KIF16B: variants seen among roughly 807,000 people sequenced by gnomAD.
KIF16B encodes kinesin family member 16B.
A neutral mutation model predicts 156.3 loss-of-function variants in KIF16B; 98 were observed. The ratio of observed to expected loss-of-function variants is 0.63; its 90% CI spans 0.53 to 0.74. The LOEUF (loss-of-function observed/expected upper bound fraction) is 0.74, where lower values mean the gene tolerates loss of function less well. Ranked by LOEUF, KIF16B falls within the 30% of genes least tolerant of loss-of-function variation. The pLI is 0.00. For synonymous variants in KIF16B, 564 were observed against 583.7 expected (o/e 0.97, Z 0.49); for missense variants, 1,421 against 1,606.5 (o/e 0.88, Z 1.97).
At chr20:16,314,947 C>T (rs962258435) in intron 24 of KIF16B, among the ~76,000 whole-genome samples, 9 of 152,150 alleles carry the variant, frequency 5.9e-5, no homozygotes, top group African/African-American at 2.2e-4. Flanking sequence ...TACAAACGTG[C>T]CTCCCGCTTC....
At chr20:16,367,187 C>T (rs772833518) in intron 22 of KIF16B, 1 of 1,610,578 alleles carries the variant, frequency 6.2e-7, no homozygotes, top group Non-Finnish European at 8.5e-7. Flanking sequence ...AGAGCCTCAT[C>T]TTGAGAATTG....
At chr20:16,505,570 T>A in intron 9 of KIF16B, 152 bp downstream of exon 9, 1 of 658,212 alleles carries the variant, frequency 1.5e-6, no homozygotes, top group Non-Finnish European at 2.6e-6. Context: ...CATAGCAGGA[T>A]CATAGGAGGT....
chr20:16,324,983 AG>A (rs2063823206), intron 24 of KIF16B, among the ~76,000 whole-genome samples: 1 of 152,162 alleles, frequency 6.6e-6, no homozygotes, highest in East Asian at 1.9e-4. Context: ...CCAGGGATGC[AG>A]AGAAGGTTTA....
intron 1 of KIF16B, among the ~76,000 whole-genome samples, chr20:16,545,871 C>G (rs1385590578): frequency 2.6e-5 from 4 of 150,958 alleles, no homozygotes; most frequent in Admixed American, 2.0e-4. Flanking sequence ...AGTTTTATCT[C>G]TATTCTAGAA....
intron 12 of KIF16B, among the ~76,000 whole-genome samples, chr20:16,467,720 A>G (rs1356487871): frequency 7.7e-5 from 4 of 51,954 alleles, no homozygotes; most frequent in East Asian, 3.6e-4. Flanking sequence ...AATAGGGGGG[A>G]AAAAAAAAAC....
In KIF16B at chr20:16,316,229, C is replaced by T. The variant is rs116518718; in HGVS notation, c.3712-3811G>A. Among the ~76,000 whole-genome samples the T allele has an allele frequency of 4.3e-3, 654 of 152,284 alleles. 9 individuals carry two copies. Among genetic ancestry groups the T allele is most frequent in the African/African-American group, 0.015 (617 of 41,570 alleles). On this transcript the variant is annotated intron_variant, in intron 24 of 25. Transcript: ENST00000354981. ...CTGCTAGGGTCGCTTCATTTTCCAT[C>T]AGCTGCGTTATCTGCCAAGTAAAAT...
intron 7 of KIF16B, 139 bp from the exon 8 acceptor site, chr20:16,506,329 T>G (rs1484100959): frequency 1.5e-6 from 1 of 670,548 alleles, no homozygotes; most frequent in African/African-American, 1.8e-5. Context: ...TTTACTGGCC[T>G]TCCTACTGAT....
chr20:16,316,464 G>T (rs35193759), intron 24 of KIF16B, among the ~76,000 whole-genome samples: 5,327 of 152,208 alleles, frequency 0.035, 106 homozygotes, highest in African/African-American at 0.045. Flanking sequence ...GAAGATATTA[G>T]AGTCACATTC....
intron 10 of KIF16B, among the ~76,000 whole-genome samples, chr20:16,501,526 T>C (rs961506200): frequency 1.3e-5 from 2 of 152,046 alleles, no homozygotes; most frequent in Admixed American, 1.3e-4. Context: ...AATGTATCCA[T>C]ATGTTCACTA....
intron 12 of KIF16B, among the ~76,000 whole-genome samples, chr20:16,463,282 G>A (rs6111141): frequency 1.3e-5 from 2 of 152,102 alleles, no homozygotes; most frequent in African/African-American, 4.8e-5. Flanking sequence ...ATGAACCTCA[G>A]GTATTTCCCT....
chr20:16,465,633 G>C (rs184876804), intron 12 of KIF16B, among the ~76,000 whole-genome samples: 7 of 151,874 alleles, frequency 4.6e-5, no homozygotes, highest in Middle Eastern at 6.8e-3. Flanking sequence ...ATCACTTGTA[G>C]GTCTTCCAAC....
At chr20:16,380,550 G>A (rs1308080105) in intron 18 of KIF16B, among the ~76,000 whole-genome samples, 1 of 152,160 alleles carries the variant, frequency 6.6e-6, no homozygotes, top group East Asian at 1.9e-4. Flanking sequence ...GTTGTTACAA[G>A]ACAACATTAA....
chr20:16,366,482 A>C (rs1036488162), intron 22 of KIF16B, among the ~76,000 whole-genome samples: 2 of 152,176 alleles, frequency 1.3e-5, no homozygotes, highest in Non-Finnish European at 2.9e-5. Flanking sequence ...GAATAGCCAC[A>C]AATACACCAA....
chr20:16,289,946 T>C (rs1329648716), intron 25 of KIF16B, among the ~76,000 whole-genome samples: 1 of 152,194 alleles, frequency 6.6e-6, no homozygotes, highest in Non-Finnish European at 1.5e-5. Context: ...CCATGTCAGG[T>C]AAATTGATTC....
intron 25 of KIF16B, among the ~76,000 whole-genome samples, chr20:16,279,859 T>A (rs1205416849): frequency 6.6e-6 from 1 of 152,200 alleles, no homozygotes; most frequent in Non-Finnish European, 1.5e-5. Flanking sequence ...CTACTGGCTG[T>A]GTTAATAAGT....
At chr20:16,317,538 G>C (rs889766123) in intron 24 of KIF16B, among the ~76,000 whole-genome samples, 2 of 152,216 alleles carry the variant, frequency 1.3e-5, no homozygotes, top group Non-Finnish European at 2.9e-5. Context: ...GTCTCATGTT[G>C]AAAAGCGTGA....
At chr20:16,515,744 T>C (rs951442407) in intron 3 of KIF16B, 80 bp from the exon 4 acceptor site, 3 of 755,918 alleles carry the variant, frequency 4.0e-6, no homozygotes, top group South Asian at 1.6e-5. Flanking sequence ...ACAATGTTCT[T>C]GAATGATACT....
chr20:16,340,887 G>A (rs1287821761), intron 23 of KIF16B, among the ~76,000 whole-genome samples: 1 of 152,126 alleles, frequency 6.6e-6, no homozygotes, highest in Non-Finnish European at 1.5e-5. Flanking sequence ...ATAGCTAAGT[G>A]ATTTCCTAGG....
At chr20:16,329,891 C>G (rs1256756994) in intron 24 of KIF16B, among the ~76,000 whole-genome samples, 1 of 152,192 alleles carries the variant, frequency 6.6e-6, no homozygotes, top group African/African-American at 2.4e-5. Context: ...CCTACTCATA[C>G]AGTGAATCTG....
Sources: gnomAD v4.1 joint callset for allele counts (sites outside exome capture counted in the v4.1 genomes callset) on GRCh38, gnomAD v4.1.1 for gene constraint, MANE v1.5 for transcripts, NCBI Gene and HGNC (gene_info 2026-07-23, HGNC 2026-07-21) for gene names.